The following STOX2 variants were observed in gnomAD, a reference collection of about 807,000 sequenced individuals.
The protein encoded by STOX2 is storkhead box 2.
A neutral mutation model predicts 60.9 loss-of-function variants in STOX2; 28 were observed. That is an observed-to-expected ratio of 0.46 (90% CI 0.34 to 0.63). The LOEUF (loss-of-function observed/expected upper bound fraction) is 0.63. STOX2 is among the 30% of genes least tolerant of loss of function. The pLI is 0.01. For missense variants in STOX2, 1,024 were observed against 1,187.7 expected (o/e 0.86, Z 2.03); for synonymous variants, 472 against 463.9 (o/e 1.02, Z -0.22).
intron 1 of STOX2, among the ~76,000 whole-genome samples, chr4:183,958,676 T>C (rs929832315): frequency 3.9e-5 from 6 of 152,212 alleles, no homozygotes; most frequent in African/African-American, 1.4e-4. Context: ...AGATCTTCCG[T>C]CTGTTGGTTA....
chr4:183,952,188 G>A (rs1045668805), intron 1 of STOX2, among the ~76,000 whole-genome samples: 1 of 152,148 alleles, frequency 6.6e-6, no homozygotes, highest in African/African-American at 2.4e-5. Flanking sequence ...TCAAAACAGG[G>A]AAACTGCTGC....
rs925889894 is a variant in STOX2, at chr4:184,017,824, G to A, written c.*540G>A. 5 of 151,928 alleles carry A rather than the reference G, an allele frequency of 3.3e-5. No homozygotes were observed. Among genetic ancestry groups the A allele is most frequent in the Admixed American group, 2.6e-4 (4 of 15,272 alleles). The allele number at this position is 151,928 out of a possible 1,614,324, so 9.4% of individuals were successfully genotyped here. ...TGCCAAACTAACTAGAAGGGACCCC[G>A]GCCCTTTGTGTGTGAATTGTTTATG... is the stretch of plus-strand genomic sequence containing the variant. On this transcript the variant is annotated 3_prime_UTR_variant, in exon 4 of 4. Coordinates refer to ENST00000308497, the MANE Select transcript of STOX2 (RefSeq NM_020225.3).
intron 1 of STOX2, among the ~76,000 whole-genome samples, chr4:183,947,087 G>C (rs1198666175): frequency 3.1e-4 from 3 of 9,548 alleles, no homozygotes; most frequent in South Asian, 0.1. Flanking sequence ...GGTGGGGGGT[G>C]GGGCAAGGGG....
intron 1 of STOX2, among the ~76,000 whole-genome samples, chr4:183,968,603 C>T (rs1202362685): frequency 2.6e-5 from 4 of 152,218 alleles, no homozygotes; most frequent in African/African-American, 7.2e-5. Flanking sequence ...GCTTGGGAGA[C>T]AGAAATCCTG....
intron 1 of STOX2, among the ~76,000 whole-genome samples, chr4:183,940,198 C>T (rs1036353386): frequency 3.3e-5 from 5 of 152,142 alleles, no homozygotes; most frequent in Non-Finnish European, 5.9e-5. Context: ...CCACCGAGCC[C>T]GGCCAGTATT....
intron 1 of STOX2, 63 bp downstream of exon 1, chr4:183,907,019 G>A: frequency 7.1e-7 from 1 of 1,401,578 alleles, no homozygotes; most frequent in South Asian, 1.4e-5. Flanking sequence ...GGTACGCCGC[G>A]GCCCGGGTGC....
chr4:184,018,808 T>A lies in STOX2; in HGVS notation c.*1524T>A, dbSNP rs1373357413. The A allele has an allele frequency of 1.3e-5, 2 of 152,198 alleles. No homozygotes were observed. The highest frequency in any genetic ancestry group is 2.9e-5 in the Non-Finnish European group (2 of 68,034). 9.4% of individuals were successfully genotyped at this position (152,198 alleles called of 1,614,324 possible). On this transcript the variant is annotated 3_prime_UTR_variant, in exon 4 of 4. Transcript: ENST00000308497. ...TATTTTCTGAGAACAGTGGGACAGA[T>A]CTGTAGTAATGGAATATTATTTGCA...
intron 1 of STOX2, among the ~76,000 whole-genome samples, chr4:183,817,184 A>T (rs1438964394): frequency 6.6e-6 from 1 of 152,238 alleles, no homozygotes; most frequent in African/African-American, 2.4e-5. Context: ...AGCAAAGAGG[A>T]AAAGAACCCT....
intron 1 of STOX2, among the ~76,000 whole-genome samples, chr4:183,956,439 C>T (rs1349972943): frequency 2.1e-5 from 3 of 145,880 alleles, no homozygotes; most frequent in Admixed American, 6.9e-5. Flanking sequence ...TTCTATCATT[C>T]ATCTATCTAT....
intron 1 of STOX2, among the ~76,000 whole-genome samples, chr4:183,875,519 C>T (rs1740809288): frequency 6.6e-6 from 1 of 152,242 alleles, no homozygotes; most frequent in African/African-American, 2.4e-5. Context: ...AGGGCTCCCT[C>T]TCACTGTGTG....
chr4:183,863,932 A>C (rs564091874), intron 1 of STOX2, among the ~76,000 whole-genome samples: 147 of 152,302 alleles, frequency 9.7e-4, no homozygotes, highest in African/African-American at 3.4e-3. Context: ...TGTCTGGTTG[A>C]CTTTAATTCG....
intron 1 of STOX2, among the ~76,000 whole-genome samples, chr4:183,970,139 C>CATGT (rs1553983242): frequency 3.9e-5 from 5 of 126,906 alleles, no homozygotes; most frequent in Non-Finnish European, 7.9e-5. Context: ...ACTACATGTA[C>CATGT]GTGTGTGTGT....
rs185410653 is a variant in STOX2 at position 183,887,256 on chromosome 4, C to T, written c.364+89201C>T. Among the ~76,000 whole-genome samples the T allele has an allele frequency of 3.3e-5, 4 of 122,538 alleles. No homozygotes were observed. The East Asian group carries it at 1.1e-3, about 35-fold the overall frequency. 80.4% of individuals were successfully genotyped at this position (122,538 alleles called of 152,430 possible). ...TCCAGCCTGGGCAACAAGAATGAGA[C>T]TCCGCCTGAAAGAAAAAAAAAAAGT... On this transcript the variant is annotated intron_variant, in intron 1 of 2. Coordinates refer to the STOX2 transcript ENST00000513034.
intron 1 of STOX2, among the ~76,000 whole-genome samples, chr4:183,848,284 A>G (rs1560843903): frequency 6.6e-6 from 1 of 152,202 alleles, no homozygotes; most frequent in African/African-American, 2.4e-5. Flanking sequence ...ATTGGCTTCT[A>G]TATTCTCAGT....
intron 1 of STOX2, among the ~76,000 whole-genome samples, chr4:183,994,310 C>G (rs1000386502): frequency 1.9e-4 from 29 of 152,124 alleles, no homozygotes; most frequent in African/African-American, 7.0e-4. Flanking sequence ...TTTTAACTTG[C>G]GTGTTAATTT....
rs182549558 is a variant in STOX2 at position 183,801,779 on chromosome 4, G to T, written c.364+3724G>T. ...ACAATGGAAAGGTGGGAGAGGGCCAGATGTGAAGATCTAGAAGCCACTGGA... is the reference window on the plus strand; with the variant it reads ...ACAATGGAAAGGTGGGAGAGGGCCATATGTGAAGATCTAGAAGCCACTGGA... On this transcript the variant is annotated intron_variant, in intron 1 of 2. Transcript: ENST00000513034. Among the ~76,000 whole-genome samples the T allele has an allele frequency of 2.2e-3, 339 of 152,262 alleles. 4 individuals are homozygous for T. Among genetic ancestry groups the T allele is most frequent in the Admixed American group, 0.016 (246 of 15,302 alleles).
intron 1 of STOX2, among the ~76,000 whole-genome samples, chr4:183,933,732 A>T (rs1029040366): frequency 1.3e-5 from 2 of 152,148 alleles, no homozygotes; most frequent in Non-Finnish European, 2.9e-5. Context: ...GCCCAACTTG[A>T]GTATTGCTAA....
At chr4:183,808,428 C>G (rs1300791975) in intron 1 of STOX2, among the ~76,000 whole-genome samples, 1 of 152,198 alleles carries the variant, frequency 6.6e-6, no homozygotes, top group Admixed American at 6.5e-5. Flanking sequence ...AGACGGGAAG[C>G]ATCCTTTGTT....
intron 1 of STOX2, among the ~76,000 whole-genome samples, chr4:183,831,991 T>TC (rs200041882): frequency 1.7e-5 from 2 of 121,188 alleles, no homozygotes; most frequent in Non-Finnish European, 3.1e-5. Flanking sequence ...TTCTTCTTCT[T>TC]TTTTTTTTTT....
Sources: gnomAD v4.1 joint callset for allele counts (sites outside exome capture counted in the v4.1 genomes callset) on GRCh38, gnomAD v4.1.1 for gene constraint, MANE v1.5 for transcripts, NCBI Gene and HGNC (gene_info 2026-07-23, HGNC 2026-07-21) for gene names.